Variants in DHX34 observed in about 807,000 individuals in gnomAD.
DHX34 encodes DExH-box helicase 34.
In DHX34, 96 loss-of-function variants were observed where a neutral mutation model predicts 111.1. The ratio of observed to expected loss-of-function variants is 0.86; its 90% CI spans 0.73 to 1.02. The LOEUF is 1.02. Ranked by LOEUF, DHX34 falls within the 50% of genes least tolerant of loss-of-function variation. DHX34 has a pLI of 0.00. For missense variants in DHX34, 1,560 were observed against 1,579.9 expected (o/e 0.99, Z 0.21); for synonymous variants, 688 against 670.4 (o/e 1.03, Z -0.41).
chr19:47,382,068 CTT>C lies in DHX34; in HGVS notation c.3389_3390del (p.Phe1130TyrfsTer47). The C allele has an allele frequency of 6.2e-7, 1 of 1,614,166 alleles. No homozygotes were observed. Among genetic ancestry groups the C allele is most frequent in the Non-Finnish European group, 8.5e-7 (1 of 1,180,018 alleles). On this transcript the variant is annotated frameshift_variant, in exon 17 of 17. Transcript: ENST00000328771. LOFTEE classifies it high-confidence loss of function. ...HCEACGKDFLFTPTEVLRHRK... is the reference protein window; with the variant it reads ...HCEACGKDFLXTPTEVLRHRK... ...GCGAGGCCTGCGGGAAGGACTTCCT[CTT>C]TACACCCACAGAGGTGCTGCGCCAC...
rs772907158 is a variant in DHX34, at chr19:47,362,590, C to G, written c.1490C>G (p.Pro497Arg). 3.7e-6 allele frequency: 6 copies of G among 1,613,684 alleles called. No homozygotes were observed. The East Asian group carries it at 1.3e-4, about 36-fold the overall frequency. The change falls in exon 6 of 17, where the codon CCC becomes CGC. Residue 497 changes from proline to arginine, a missense_variant. Coordinates refer to ENST00000328771, the MANE Select transcript of DHX34 (RefSeq NM_014681.6). Reference sequence around the variant, plus strand: ...AAGGGCCGGGCGGGCCGCACGGGCCCCGGAGTCTGCTTCCGCCTCTATGCC... The same window carrying G: ...AAGGGCCGGGCGGGCCGCACGGGCCGCGGAGTCTGCTTCCGCCTCTATGCC... ...QRKGRAGRTG[P>R]GVCFRLYAES...
chr19:47,366,164 A>G (rs1302471563), intron 6 of DHX34, among the ~76,000 whole-genome samples: 2 of 152,200 alleles, frequency 1.3e-5, no homozygotes, highest in Non-Finnish European at 2.9e-5. Flanking sequence ...AGCTCAGGTC[A>G]CGTGCCTCTC....
intron 6 of DHX34, among the ~76,000 whole-genome samples, chr19:47,365,375 C>G (rs571616658): frequency 1.9e-4 from 29 of 152,090 alleles, no homozygotes; most frequent in Non-Finnish European, 2.8e-4. Flanking sequence ...CCTTGGCCTC[C>G]CGAGTAGCTG....
At position 47,382,212 on chromosome 19, in the gene DHX34, C is replaced by T; in HGVS notation, c.*99C>T. ...GCCTGAACCCCCAGCCTGGGCTTAG[C>T]CCTGTGGTCCTGTCCCAGTGCAGAG... On this transcript the variant is annotated 3_prime_UTR_variant, in exon 17 of 17. Coordinates refer to ENST00000328771, the MANE Select transcript of DHX34 (RefSeq NM_014681.6). 1 of 1,526,060 alleles carries T rather than the reference C, an allele frequency of 6.6e-7. No homozygotes were observed. Among genetic ancestry groups the T allele is most frequent in the Non-Finnish European group, 8.8e-7 (1 of 1,140,398 alleles). The allele number at this position is 1,526,060 out of a possible 1,614,324, so 94.5% of individuals were successfully genotyped here.
chr19:47,375,543 G>C lies in DHX34; in HGVS notation c.2142G>C (p.Gln714His), dbSNP rs372412406. 1.9e-6 allele frequency: 3 copies of C among 1,550,874 alleles called. No homozygotes were observed. The highest frequency in any genetic ancestry group is 2.4e-5 in the East Asian group (1 of 41,728). Residue 714 changes from glutamine to histidine, a missense_variant, in exon 10 of 17, where the codon CAG becomes CAC. Transcript: ENST00000328771. ...GGGACAGCTACAGTCGGTTGCAGCA[G>C]CGCCGGGAGCGCCGGGCCCTGCACC... is the stretch of plus-strand genomic sequence containing the variant. The part of the protein sequence containing the change: ...QVGDSYSRLQ[Q>H]RRERRALHQL...
At chr19:47,372,584 T>G in intron 7 of DHX34, 146 bp from the exon 8 acceptor site, 3 of 1,396,080 alleles carry the variant, frequency 2.1e-6, no homozygotes, top group Non-Finnish European at 2.8e-6. Flanking sequence ...GGTTTGAATC[T>G]CCATCTGGGT....
Position 47,353,516 on chromosome 19 carries a change from C to T in DHX34, c.486C>T (p.Leu162=). ...LAKLQRERAA[L]PIAQYGNRIL... ...AGCTGCAGCGTGAGCGGGCAGCCCT[C>T]CCCATCGCCCAGTATGGGAACCGCA... Residue 162 remains leucine (L), a synonymous_variant, in exon 2 of 17, where the codon CTC becomes CTT. Coordinates refer to ENST00000328771, the MANE Select transcript of DHX34 (RefSeq NM_014681.6). This position sits in a 1 kb window ranked among gnomAD's most constrained non-coding sequence, Gnocchi z 4.6. The T allele has an allele frequency of 1.2e-6, 2 of 1,613,762 alleles. No individual in the cohort carries two copies. Among genetic ancestry groups the T allele is most frequent in the Non-Finnish European group, 1.7e-6 (2 of 1,179,954 alleles).
chr19:47,367,952 A>G (rs1013290371), intron 7 of DHX34, among the ~76,000 whole-genome samples: 16 of 151,978 alleles, frequency 1.1e-4, no homozygotes, highest in Non-Finnish European at 1.8e-4. Context: ...TTGATAAAAT[A>G]GCTGATTCAA....
At chr19:47,371,929 A>G (rs1267547487) in intron 7 of DHX34, among the ~76,000 whole-genome samples, 3 of 151,738 alleles carry the variant, frequency 2.0e-5, no homozygotes, top group African/African-American at 7.3e-5. Flanking sequence ...ACAGACCACT[A>G]GTTACTGGAC....
At chr19:47,377,279 A>G in intron 13 of DHX34, 73 bp downstream of exon 13, 1 of 1,501,082 alleles carries the variant, frequency 6.7e-7, no homozygotes, top group South Asian at 1.2e-5. Context: ...GGGTGGGGGC[A>G]CCGCGTGGGC....
chr19:47,382,187 G>T lies in DHX34; in HGVS notation c.*74G>T, dbSNP rs1298529878. On this transcript the variant is annotated 3_prime_UTR_variant, in exon 17 of 17. Transcript: ENST00000328771. Reference sequence around the variant, plus strand: ...GCCCAGGACTAGGGGCAGGACTCTTGCCTGAACCCCCAGCCTGGGCTTAGC... The same window carrying T: ...GCCCAGGACTAGGGGCAGGACTCTTTCCTGAACCCCCAGCCTGGGCTTAGC... 1 of 1,573,006 alleles carries T rather than the reference G, an allele frequency of 6.4e-7. No individual in the cohort carries two copies. The highest frequency in any genetic ancestry group is 8.6e-7 in the Non-Finnish European group (1 of 1,160,792).
chr19:47,360,017 A>G lies in DHX34; in HGVS notation c.1322A>G (p.Asn441Ser), dbSNP rs549149043. ...PGVRKCILST[N>S]IAETSVTIDG... ...GTCCGGAAATGCATCCTCTCCACCAACATTGCTGAGACCTCAGTCACCATT... is the reference window on the plus strand; with the variant it reads ...GTCCGGAAATGCATCCTCTCCACCAGCATTGCTGAGACCTCAGTCACCATT... Residue 441 changes from asparagine (N) to serine (S), a missense_variant, in exon 5 of 17, where the codon AAC becomes AGC. Asn to Ser is a conservative substitution (Grantham distance 46). Transcript: ENST00000328771. 5.5e-5 allele frequency: 89 copies of G among 1,614,036 alleles called. No individual in the cohort carries two copies. In the South Asian group the frequency reaches 8.8e-4, roughly 16 times the overall value.
intron 6 of DHX34, 81 bp from the exon 7 acceptor site, chr19:47,366,900 A>C: frequency 7.0e-7 from 1 of 1,418,970 alleles, no homozygotes; most frequent in Non-Finnish European, 9.3e-7. Flanking sequence ...AAACGTCATG[A>C]ATTTGTGATC....
intron 1 of DHX34, among the ~76,000 whole-genome samples, chr19:47,350,405 A>G (rs896707226): frequency 8.6e-5 from 13 of 151,954 alleles, no homozygotes; most frequent in African/African-American, 3.1e-4. Context: ...CCCTGTTTCA[A>G]AAAAACAAAA....
chr19:47,364,251 C>T (rs960009021), intron 6 of DHX34, among the ~76,000 whole-genome samples: 3 of 152,088 alleles, frequency 2.0e-5, no homozygotes, highest in Admixed American at 6.6e-5. Flanking sequence ...TCCTCAGTCT[C>T]GTGGCCACGC....
chr19:47,369,136 C>T (rs528103334), intron 7 of DHX34, among the ~76,000 whole-genome samples: 2 of 152,160 alleles, frequency 1.3e-5, no homozygotes, highest in East Asian at 3.9e-4. Context: ...CCTCAGCCTC[C>T]CAAAGTGCTG....
chr19:47,355,041 C>T lies in DHX34; in HGVS notation c.708C>T (p.Val236=), dbSNP rs753572284. 6.2e-6 allele frequency: 10 copies of T among 1,613,288 alleles called. No individual in the cohort carries two copies. Among genetic ancestry groups the T allele is most frequent in the African/African-American group, 5.3e-5 (4 of 75,000 alleles). ...ATCCTTTCTTTCTCCCACCCCAGGTCGGCTACCAGATCCGCTTTGAGAGCA... is the reference window on the plus strand; with the variant it reads ...ATCCTTTCTTTCTCCCACCCCAGGTTGGCTACCAGATCCGCTTTGAGAGCA... ...FESLSQYGSQ[V]GYQIRFESTR... Residue 236 remains valine, a splice_region_variant and synonymous_variant, in exon 3 of 17, where the codon GTC becomes GTT. Transcript: ENST00000328771.
At chr19:47,368,431 C>T (rs1199826276) in intron 7 of DHX34, among the ~76,000 whole-genome samples, 11 of 146,452 alleles carry the variant, frequency 7.5e-5, no homozygotes, top group Admixed American at 2.1e-4. Flanking sequence ...CTCAGCCTCC[C>T]GAGTAGCTGG....
intron 7 of DHX34, among the ~76,000 whole-genome samples, chr19:47,370,179 C>A (rs577659875): frequency 6.6e-6 from 1 of 152,170 alleles, no homozygotes; most frequent in Non-Finnish European, 1.5e-5. Flanking sequence ...CCTGGTTGTG[C>A]GTGAGTGACA....
Sources: gnomAD v4.1 joint callset for allele counts (sites outside exome capture counted in the v4.1 genomes callset) on GRCh38, gnomAD v4.1.1 for gene constraint, Gnocchi (gnomAD v3.1) non-coding constraint, MANE v1.5 for transcripts, NCBI Gene and HGNC (gene_info 2026-07-23, HGNC 2026-07-21) for gene names.